LMF2: variants seen among roughly 807,000 people sequenced by gnomAD.
The protein encoded by LMF2 is lipase maturation factor 2.
LMF2 carries 113 observed loss-of-function variants against 81.5 expected under a neutral mutation model. That is an observed-to-expected ratio of 1.39 (90% CI 1.19 to 1.62). LMF2 has a LOEUF of 1.62. LMF2 is among the 40% of genes most tolerant of loss of function. The pLI is 0.00. For missense variants in LMF2, 1,235 were observed against 929.1 expected (o/e 1.33, Z -4.28); for synonymous variants, 645 against 424.5 (o/e 1.52, Z -6.39).
Position 50,504,868 on chromosome 22 carries a change from G to GCGGCCT in LMF2, c.1370_1371insAGGCCG (p.Arg457_Met458insGlyArg), listed in dbSNP as rs1390099134. ...CAGGCCGTCCACCAAGCCCAGTCATGCGGCGGAAGAGGCCGTAGGAGTTGG... is the reference window on the plus strand; with the variant it reads ...CAGGCCGTCCACCAAGCCCAGTCATGCGGCCTCGGCGGAAGAGGCCGTAGGAGTTGG... On this transcript the variant is annotated inframe_insertion, in exon 10 of 14. Coordinates refer to ENST00000474879, the MANE Select transcript of LMF2 (RefSeq NM_033200.3). 1 of 1,611,362 alleles carries GCGGCCT rather than the reference G, an allele frequency of 6.2e-7. No homozygotes were observed. The highest frequency in any genetic ancestry group is 8.5e-7 in the Non-Finnish European group (1 of 1,179,120).
In LMF2 at chr22:50,505,476, A is replaced by C; in HGVS notation, c.978T>G (p.Leu326=). 6.2e-7 allele frequency: 1 copy of C among 1,612,960 alleles called. No individual in the cohort carries two copies. The highest frequency in any genetic ancestry group is 2.2e-5 in the East Asian group (1 of 44,886). Residue 326 remains leucine (L), a synonymous_variant, in exon 7 of 14, where the codon CTT becomes CTG. Coordinates refer to ENST00000474879, the MANE Select transcript of LMF2 (RefSeq NM_033200.3). ...AGTAGTGCACAGTGCCATAGGCCAG[A>C]AGCCCGTAGACGGCTAGTTCCAGCA... The part of the protein sequence containing the change: ...SLLLELAVYG[L]LAYGTVHYFG...
Position 50,503,620 on chromosome 22 carries a change from G to A in LMF2, c.1895C>T (p.Pro632Leu), listed in dbSNP as rs746921941. Residue 632 changes from proline (P) to leucine (L), a missense_variant, in exon 14 of 14, where the codon CCC (proline) becomes CTC (leucine). Pro to Leu is a moderately conservative substitution (Grantham distance 98, BLOSUM62 -3). Coordinates refer to ENST00000474879, the MANE Select transcript of LMF2 (RefSeq NM_033200.3). ...ALHWTRSQLS[P>L]LEAPALLWGL... ...CCAGAGCAGGGCGGGGGCCTCCAGG[G>A]GAGACAGCTGAGAGCGAGTCCAGTG... The A allele has an allele frequency of 1.3e-5, 20 of 1,579,340 alleles. No individual in the cohort carries two copies. The highest frequency in any genetic ancestry group is 2.3e-5 in the East Asian group (1 of 44,316).
At chr22:50,507,520 G>C in intron 1 of LMF2, 62 bp downstream of exon 1, 1 of 1,268,448 alleles carries the variant, frequency 7.9e-7, no homozygotes, top group Admixed American at 2.0e-5. Flanking sequence ...GCCGGGCACA[G>C]AGAAAAGAGG....
At position 50,507,213 on chromosome 22, in the gene LMF2, G is replaced by A. The variant is rs2068610999; in HGVS notation, c.95-178C>T. ...CCAGGTCGGGACCTGTCAAAACCCCGTCCCAGGGCTAGAGGCCTGCTCAAC... is the reference window on the plus strand; with the variant it reads ...CCAGGTCGGGACCTGTCAAAACCCCATCCCAGGGCTAGAGGCCTGCTCAAC... On this transcript the variant is annotated intron_variant, in intron 1 of 13. Coordinates refer to ENST00000474879, the MANE Select transcript of LMF2 (RefSeq NM_033200.3). 15 of 1,056,762 alleles carry A rather than the reference G, an allele frequency of 1.4e-5. No individual in the cohort carries two copies. The East Asian group carries it at 2.9e-4, about 20-fold the overall frequency. The allele number at this position is 1,056,762 out of a possible 1,614,324, so 65.5% of individuals were successfully genotyped here.
chr22:50,506,497 G>C lies in LMF2; in HGVS notation c.383C>G (p.Ser128Cys), dbSNP rs757285732. The change falls in exon 4 of 14, where the codon TCC (serine) becomes TGC (cysteine). Residue 128 changes from serine (S) to cysteine (C), a missense_variant. By Grantham distance (112) the Ser-to-Cys change is moderately radical. Transcript: ENST00000474879. The part of the protein sequence containing the change: ...GQVFLYFQWD[S>C]LLLETGFLAV... ...CAGGAAGCCAGTCTCTAGCAGCAGG[G>C]AGTCCCTATGGGGAGAGCAAATAGC... The C allele has an allele frequency of 1.3e-6, 2 of 1,559,726 alleles. No homozygotes were observed. The highest frequency in any genetic ancestry group is 8.7e-7 in the Non-Finnish European group (1 of 1,155,072).
At chr22:50,504,499 C>CCCCCCCCCCCCCCCCCAA in intron 11 of LMF2, 48 bp from the exon 12 acceptor site, 1 of 1,485,222 alleles carries the variant, frequency 6.7e-7, no homozygotes, top group Non-Finnish European at 9.2e-7. Flanking sequence ...CGCCCTGCCC[C>CCCCCCCCCCCCCCCCCAA]TCCCCTCCCC....
In LMF2 at chr22:50,503,256, C is replaced by A; in HGVS notation, c.*135G>T. The A allele has an allele frequency of 1.0e-6, 1 of 959,904 alleles. No individual in the cohort carries two copies. The highest frequency in any genetic ancestry group is 1.5e-6 in the Non-Finnish European group (1 of 657,128). The allele number at this position is 959,904 out of a possible 1,614,324, so 59.5% of individuals were successfully genotyped here. On this transcript the variant is annotated 3_prime_UTR_variant, in exon 14 of 14. Transcript: ENST00000474879. The stretch of plus-strand genomic sequence containing the variant: ...GCCCTCAATGCAGCACCCTGCAAAC[C>A]CCAGGGGCAGCCCCCCAACCTGTGC...
intron 7 of LMF2, 25 bp downstream of exon 7, chr22:50,505,378 C>G: frequency 6.2e-7 from 1 of 1,613,268 alleles, no homozygotes; most frequent in South Asian, 1.1e-5. Flanking sequence ...CCCCTGCCCT[C>G]TGGCCCCCCC....
rs564182182 is a variant in LMF2 at position 50,504,467 on chromosome 22, T to C, written c.1607-16A>G. The C allele has an allele frequency of 1.2e-5, 19 of 1,607,076 alleles. No homozygotes were observed. The South Asian group carries it at 1.9e-4, about 16-fold the overall frequency. On this transcript the variant is annotated splice_polypyrimidine_tract_variant and intron_variant, in intron 11 of 13. Coordinates refer to ENST00000474879, the MANE Select transcript of LMF2 (RefSeq NM_033200.3). ...AGGCGGATCACTGCAGCGAGAGGCA[T>C]CAGCGTGGCCCCCACAGTACCCGCC...
rs369613367 is a variant in LMF2, at chr22:50,506,624, C to T, written c.377+14G>A. On this transcript the variant is annotated intron_variant, in intron 3 of 13. Transcript: ENST00000474879. ...ACCCAGCCTCCCACAGCCCCAGGCC[C>T]AGCCGTCACTCACCACTGGAAATAA... is the stretch of plus-strand genomic sequence containing the variant. 2.9e-5 allele frequency: 47 copies of T among 1,611,706 alleles called. No individual in the cohort carries two copies. In the African/African-American group the frequency reaches 6.3e-4, roughly 22 times the overall value.
Position 50,506,944 on chromosome 22 carries a change from C to G in LMF2, c.186G>C (p.Thr62=), listed in dbSNP as rs760930086. Residue 62 remains threonine (T), a synonymous_variant, in exon 2 of 14, where the codon ACG becomes ACC. Coordinates refer to ENST00000474879, the MANE Select transcript of LMF2 (RefSeq NM_033200.3). Reference sequence around the variant, plus strand: ...CCAGTCTCGGCGCTTCCCACAGCAGCGTCGGGGTCTCCCACAGCTGCTGCC... The same window carrying G: ...CCAGTCTCGGCGCTTCCCACAGCAGGGTCGGGGTCTCCCACAGCTGCTGCC... ...GRWQQLWETP[T]LLWEAPRLGL... The G allele has an allele frequency of 1.3e-6, 2 of 1,580,368 alleles. No homozygotes were observed. Among genetic ancestry groups the G allele is most frequent in the Admixed American group, 3.6e-5 (2 of 55,870 alleles).
At chr22:50,505,192 A>C (rs756741188) in intron 8 of LMF2, 37 bp downstream of exon 8, 2 of 1,612,594 alleles carry the variant, frequency 1.2e-6, no homozygotes, top group Admixed American at 3.3e-5. Flanking sequence ...CCGGCCCTGC[A>C]CACCTGTGCC....
At chr22:50,507,337 T>C in intron 1 of LMF2, 1 of 601,810 alleles carries the variant, frequency 1.7e-6, no homozygotes, top group Non-Finnish European at 2.9e-6. Context: ...AGGAAGCCTC[T>C]CTCCCACCTC....
rs2301150 is a variant in LMF2, at chr22:50,504,665, G to A, written c.1500C>T (p.His500=). ...ACATCTGCCAGTCCAGGCGTGGCTG[G>A]TGGGGCACCACAACCGGGGGCGGCC... ...LSRPPPVVVP[H]QPRLDWQMWF... The change falls in exon 11 of 14, where the codon CAC becomes CAT. Residue 500 remains histidine, a synonymous_variant. Coordinates refer to ENST00000474879, the MANE Select transcript of LMF2 (RefSeq NM_033200.3). 2.6e-4 allele frequency: 413 copies of A among 1,609,152 alleles called. 2 individuals are homozygous for A. In the East Asian group the frequency reaches 8.9e-3, roughly 35 times the overall value.
At position 50,503,363 on chromosome 22, in the gene LMF2, C is replaced by G. The variant is rs6010119; in HGVS notation, c.*28G>C. The stretch of plus-strand genomic sequence containing the variant: ...AGAGCACTCCCGGCGACCTGGCCCT[C>G]TCAGGACGTGCAGCTGGGAGAACAC... On this transcript the variant is annotated 3_prime_UTR_variant, in exon 14 of 14. Coordinates refer to ENST00000474879, the MANE Select transcript of LMF2 (RefSeq NM_033200.3). 166 of 1,609,464 alleles carry G rather than the reference C, an allele frequency of 1.0e-4. No individual in the cohort carries two copies. The African/African-American group carries it at 1.8e-3, about 18-fold the overall frequency.
rs145088379 is a variant in LMF2, at chr22:50,503,982, TGCTCCTCA to T, written c.1719-86_1719-79del. 8,941 of 1,300,608 alleles carry T rather than the reference TGCTCCTCA, an allele frequency of 6.9e-3. 58 individuals carry two copies. The highest frequency in any genetic ancestry group is 7.7e-3 in the Non-Finnish European group (7,152 of 930,618). The allele number at this position is 1,300,608 out of a possible 1,614,324, so 80.6% of individuals were successfully genotyped here. ...CATCGCCAGTGCCCAGCCTTACCCC[TGCTCCTCA>T]GCTCCTCACGCTCCACATCCCCCCC... On this transcript the variant is annotated intron_variant, in intron 12 of 13. Coordinates refer to ENST00000474879, the MANE Select transcript of LMF2 (RefSeq NM_033200.3).
Position 50,506,310 on chromosome 22 carries a change from G to C in LMF2, c.570C>G (p.Arg190=). 7 of 1,549,608 alleles carry C rather than the reference G, an allele frequency of 4.5e-6. No homozygotes were observed. The highest frequency in any genetic ancestry group is 6.1e-6 in the Non-Finnish European group (7 of 1,146,734). The change falls in exon 4 of 14, where the codon CGC becomes CGG. Residue 190 remains arginine (R), a synonymous_variant. Transcript: ENST00000474879. ...CAGTGAGCCCCCACCACGCAGGGCA[G>C]CGGCTGGTCAGCTTGACCACGCCTG... is the stretch of plus-strand genomic sequence containing the variant. ...FASGVVKLTS[R]CPAWWGLTAL...
rs1178739804 is a variant in LMF2, at chr22:50,507,052, C to T, written c.95-17G>A. 1 of 1,580,138 alleles carries T rather than the reference C, an allele frequency of 6.3e-7. No homozygotes were observed. Among genetic ancestry groups the T allele is most frequent in the Non-Finnish European group, 8.6e-7 (1 of 1,169,296 alleles). On this transcript the variant is annotated splice_polypyrimidine_tract_variant and intron_variant, in intron 1 of 13. Transcript: ENST00000474879. ...CATACAGGCCTGTGGGAGGGCATGT[C>T]ATGGCCAGGCCCTGGACAGCCCTTG...
chr22:50,504,692 G>T lies in LMF2; in HGVS notation c.1473C>A (p.Ser491Arg). The change falls in exon 11 of 14, where the codon AGC (serine) becomes AGA (arginine). Residue 491 changes from serine to arginine, a missense_variant. Ser to Arg is a moderately radical substitution (Grantham distance 110, BLOSUM62 -1). Coordinates refer to ENST00000474879, the MANE Select transcript of LMF2 (RefSeq NM_033200.3). ...IEFMYKPGNL[S>R]RPPPVVVPHQ... The stretch of plus-strand genomic sequence containing the variant: ...GGGGCACCACAACCGGGGGCGGCCG[G>T]CTCAGGTTCCCAGGCTTGTACATGA... 1 of 1,609,638 alleles carries T rather than the reference G, an allele frequency of 6.2e-7. No homozygotes were observed.
Sources: gnomAD v4.1 joint callset for allele counts on GRCh38, gnomAD v4.1.1 for gene constraint, MANE v1.5 for transcripts, NCBI Gene and HGNC (gene_info 2026-07-23, HGNC 2026-07-21) for gene names.